The following DPP6 variants were observed in gnomAD, a reference collection of about 807,000 sequenced individuals.
DPP6 encodes dipeptidyl peptidase like 6.
Under a neutral mutation model 122.6 loss-of-function variants are expected in DPP6, and 69 were observed. The observed-to-expected ratio is 0.56, with a 90% CI of 0.46 to 0.69. The LOEUF is 0.69. Ranked by LOEUF, DPP6 falls within the 30% of genes least tolerant of loss-of-function variation. The probability of loss-of-function intolerance (pLI) is 0.00; values close to 1 mark genes in which losing one functional copy is unlikely to be tolerated. For missense variants in DPP6, 928 were observed against 1,116.9 expected, an observed-to-expected ratio of 0.83 and a Z score of 2.41; for synonymous variants, 418 against 433.1, an observed-to-expected ratio of 0.97 and a Z score of 0.43.
chr7:154,805,078 C>A, intron 15 of DPP6, 114 bp downstream of exon 15: 1 of 1,385,074 alleles, frequency 7.2e-7, no homozygotes, highest in Non-Finnish European at 9.8e-7. Flanking sequence ...ACAGACCCCA[C>A]CACAGAGGAG....
chr7:154,880,881 C>T lies in DPP6; in HGVS notation c.2079-7C>T, dbSNP rs771952880. The stretch of plus-strand genomic sequence containing the variant: ...CTGAACCCTCTTTCCCCTCCTCGAC[C>T]TCACAGGACGATGCTGAAGGAGCAG... On this transcript the variant is annotated splice_polypyrimidine_tract_variant and splice_region_variant and intron_variant, in intron 20 of 25. Transcript: ENST00000377770. 1 of 1,614,010 alleles carries T rather than the reference C, an allele frequency of 6.2e-7. No individual in the cohort carries two copies. The highest frequency in any genetic ancestry group is 1.3e-5 in the African/African-American group (1 of 75,048).
At chr7:154,883,353 CACACATGCTCACACACACGATTACAT>C in intron 21 of DPP6, among the ~76,000 whole-genome samples, 1 of 148,280 alleles carries the variant, frequency 6.7e-6, no homozygotes, top group Non-Finnish European at 1.5e-5. Flanking sequence ...CGCTCATACA[CACACATGCTCACACACACGATTACAT>C]ACACCTGCTC....
intron 1 of DPP6, among the ~76,000 whole-genome samples, chr7:154,233,345 A>G (rs1371396092): frequency 6.6e-6 from 1 of 152,236 alleles, no homozygotes; most frequent in Non-Finnish European, 1.5e-5. Flanking sequence ...TACAGAACAC[A>G]GCATCAGTGG....
chr7:153,968,279 G>A lies in DPP6; in HGVS notation c.51+80545G>A, dbSNP rs1377289102. ...GTGCATGAGACGGTATGTCATTGTG[G>A]TTTTGATTTGCATTTCCCTGATGAT... On this transcript the variant is annotated intron_variant, in intron 1 of 25. Transcript: ENST00000404039. Among the ~76,000 whole-genome samples the A allele has an allele frequency of 4.6e-5, 7 of 151,432 alleles. 1 individual carries two copies. The highest frequency in any genetic ancestry group is 1.7e-4 in the African/African-American group (7 of 40,820).
the DPP6 span, among the ~76,000 whole-genome samples, chr7:153,858,994 A>G: frequency 1.3e-5 from 2 of 152,212 alleles, no homozygotes; most frequent in African/African-American, 2.4e-5. Context: ...TTCTGTGGCT[A>G]TAGAGCATAT....
intron 1 of DPP6, among the ~76,000 whole-genome samples, chr7:154,022,070 TAG>T (rs1364123799): frequency 1.3e-5 from 2 of 152,014 alleles, no homozygotes; most frequent in Admixed American, 1.3e-4. Flanking sequence ...CTAGAACTGC[TAG>T]AGTTTCCTGC....
chr7:154,276,501 T>C (rs1804137012), intron 1 of DPP6, among the ~76,000 whole-genome samples: 1 of 152,160 alleles, frequency 6.6e-6, no homozygotes. Context: ...GACCTCACAA[T>C]AGAATTGATT....
At chr7:154,079,215 G>A (rs1036207151) in intron 1 of DPP6, among the ~76,000 whole-genome samples, 3 of 152,184 alleles carry the variant, frequency 2.0e-5, no homozygotes, top group African/African-American at 7.2e-5. Flanking sequence ...GTGCCTGGTC[G>A]TCTTTCCACA....
At chr7:153,847,409 A>G in the DPP6 span, among the ~76,000 whole-genome samples, 1 of 152,060 alleles carries the variant, frequency 6.6e-6, no homozygotes, top group African/African-American at 2.4e-5. Context: ...ATTGGTTTCT[A>G]TTGATGTTTG....
At chr7:154,637,179 C>T (rs577962071) in intron 5 of DPP6, among the ~76,000 whole-genome samples, 69 of 152,164 alleles carry the variant, frequency 4.5e-4, no homozygotes, top group African/African-American at 1.3e-3. Context: ...GAAAGGCGTC[C>T]GAGATTTGAG....
intron 7 of DPP6, among the ~76,000 whole-genome samples, chr7:154,700,158 A>G (rs1478647813): frequency 1.3e-5 from 2 of 152,252 alleles, no homozygotes; most frequent in Non-Finnish European, 2.9e-5. Flanking sequence ...ACATCCATCA[A>G]TGCATGGCAC....
At chr7:154,533,169 T>C (rs1262339227) in intron 3 of DPP6, among the ~76,000 whole-genome samples, 1 of 152,228 alleles carries the variant, frequency 6.6e-6, no homozygotes, top group Non-Finnish European at 1.5e-5. Flanking sequence ...TCTTTGGATG[T>C]TCCTGTCTGA....
At chr7:154,749,401 T>A (rs1843225909) in intron 8 of DPP6, among the ~76,000 whole-genome samples, 1 of 134,340 alleles carries the variant, frequency 7.4e-6, no homozygotes, top group African/African-American at 2.9e-5. Flanking sequence ...GGATGGAGGC[T>A]TTACTGAGAG....
chr7:154,473,378 T>A (rs985060029), intron 2 of DPP6, among the ~76,000 whole-genome samples: 1 of 152,146 alleles, frequency 6.6e-6, no homozygotes, highest in Non-Finnish European at 1.5e-5. Flanking sequence ...CCGGGATAGC[T>A]CCATATACAG....
At chr7:154,555,539 C>T (rs571884145) in intron 4 of DPP6, among the ~76,000 whole-genome samples, 4 of 152,096 alleles carry the variant, frequency 2.6e-5, no homozygotes, top group African/African-American at 9.6e-5. Flanking sequence ...ATGGGTGCAG[C>T]ACACCAACAT....
At chr7:153,902,958 G>A (rs1369843857) in intron 1 of DPP6, among the ~76,000 whole-genome samples, 2 of 152,178 alleles carry the variant, frequency 1.3e-5, no homozygotes, top group Admixed American at 6.5e-5. Flanking sequence ...GCTTGTATTA[G>A]TCCTTACAAG....
At chr7:154,623,396 G>T (rs1255639295) in intron 5 of DPP6, among the ~76,000 whole-genome samples, 2 of 152,196 alleles carry the variant, frequency 1.3e-5, no homozygotes, top group African/African-American at 4.8e-5. Context: ...TGGTGGCAGT[G>T]GGAGGGGCGG....
intron 10 of DPP6, among the ~76,000 whole-genome samples, chr7:154,783,155 C>T (rs953400389): frequency 3.3e-5 from 5 of 152,144 alleles, no homozygotes; most frequent in Non-Finnish European, 5.9e-5. Flanking sequence ...GCTGTTTCCA[C>T]CACCTGCTTT....
At chr7:154,074,046 T>C (rs1294351636) in intron 1 of DPP6, among the ~76,000 whole-genome samples, 1 of 151,950 alleles carries the variant, frequency 6.6e-6, no homozygotes, top group African/African-American at 2.4e-5. Flanking sequence ...TATGTAAGTA[T>C]CTATCTATAT....
Sources: allele counts gnomAD v4.1 joint callset (sites outside exome capture counted in the v4.1 genomes callset), GRCh38; gene constraint gnomAD v4.1.1; transcripts MANE v1.5; gene names NCBI Gene and HGNC (gene_info 2026-07-23, HGNC 2026-07-21).